The following NFILZ variants were observed in gnomAD, a reference collection of about 807,000 sequenced individuals.
NFILZ encodes NFIL3 like basic leucine zipper.
chr19:8,656,386 T>TTGTGCACAAAGCCAGTG (rs2042996985), intron 3 of NFILZ, among the ~76,000 whole-genome samples: 8 of 140,326 alleles, frequency 5.7e-5, no homozygotes, highest in Non-Finnish European at 9.1e-5. Context: ...GAAGCCCACC[T>TTGTGCACAAAGCCAGTG]TCTCCCGCAG....
intron 3 of NFILZ, among the ~76,000 whole-genome samples, chr19:8,654,527 A>G (rs1367827885): frequency 2.0e-5 from 3 of 151,980 alleles, no homozygotes; most frequent in Non-Finnish European, 4.4e-5. Context: ...AGGTGGGAAG[A>G]TCACTTGAGC....
At chr19:8,663,750 G>GTATGTGTGTGTATGTGTGTATGTGTGTA (rs1403759520) in intron 3 of NFILZ, among the ~76,000 whole-genome samples, 1 of 136,966 alleles carries the variant, frequency 7.3e-6, no homozygotes, top group African/African-American at 2.7e-5. Context: ...GTGTGTGTGT[G>GTATGTGTGTGTATGTGTGTATGTGTGTA]TGTGTGTGTG....
At chr19:8,662,646 T>C (rs1457479747) in intron 3 of NFILZ, among the ~76,000 whole-genome samples, 2 of 151,464 alleles carry the variant, frequency 1.3e-5, no homozygotes, top group Non-Finnish European at 3.0e-5. Flanking sequence ...CTTCCTTTTT[T>C]TTTTTTTTTG....
At chr19:8,641,104 A>G (rs114977932) in intron 3 of NFILZ, among the ~76,000 whole-genome samples, 1,939 of 152,142 alleles carry the variant, frequency 0.013, 41 homozygotes, top group African/African-American at 0.043. Flanking sequence ...ATATTCTCCA[A>G]TGTTTCTTTC....
chr19:8,645,783 G>A (rs1555747025), intron 3 of NFILZ, among the ~76,000 whole-genome samples: 2 of 152,180 alleles, frequency 1.3e-5, no homozygotes, highest in Non-Finnish European at 2.9e-5. Flanking sequence ...CAGGCAGCCA[G>A]TGATGGCAGA....
intron 2 of NFILZ, among the ~76,000 whole-genome samples, chr19:8,635,253 T>C (rs1555745983): frequency 6.9e-6 from 1 of 145,096 alleles, no homozygotes; most frequent in African/African-American, 2.6e-5. Context: ...GAGGTTGCAG[T>C]GAGCCGAGAT....
rs2042875102 is a variant in NFILZ at position 8,632,518 on chromosome 19, T to C, written c.-368T>C. 6.6e-6 allele frequency: 1 copy of C among 152,222 alleles called. No individual in the cohort carries two copies. The highest frequency in any genetic ancestry group is 3.4e-3 in the Middle Eastern group (1 of 294). The allele number at this position is 152,222 out of a possible 1,614,324, so 9.4% of individuals were successfully genotyped here. Reference sequence around the variant, plus strand: ...ACCCATCAAGACCAAGATGATGACATGAGTGACCTCTGATTGTCCTCACTG... The same window carrying C: ...ACCCATCAAGACCAAGATGATGACACGAGTGACCTCTGATTGTCCTCACTG... On this transcript the variant is annotated 5_prime_UTR_variant, in exon 2 of 6. It removes an upstream start codon present in the reference 5' UTR. Transcript: ENST00000691075.
chr19:8,653,591 G>A (rs2042979102), intron 3 of NFILZ, among the ~76,000 whole-genome samples: 1 of 152,150 alleles, frequency 6.6e-6, no homozygotes, highest in African/African-American at 2.4e-5. Flanking sequence ...ATCAATCAAT[G>A]AGTGGATAAA....
intron 2 of NFILZ, among the ~76,000 whole-genome samples, chr19:8,633,317 C>T (rs782485450): frequency 2.6e-5 from 4 of 152,120 alleles, no homozygotes; most frequent in Non-Finnish European, 4.4e-5. Flanking sequence ...CCAACGCGCC[C>T]GGCCTCCTTT....
At chr19:8,660,223 G>T (rs1555748935) in intron 3 of NFILZ, among the ~76,000 whole-genome samples, 3 of 152,128 alleles carry the variant, frequency 2.0e-5, no homozygotes, top group African/African-American at 7.2e-5. Flanking sequence ...GGCCTCCGGG[G>T]GAAAAAGAGA....
At chr19:8,656,461 TC>T (rs2043001663) in intron 3 of NFILZ, among the ~76,000 whole-genome samples, 1 of 18,328 alleles carries the variant, frequency 5.5e-5, no homozygotes. Context: ...CCACCTTCTC[TC>T]TGAAGCCCAC....
chr19:8,634,212 G>T (rs907309489), intron 2 of NFILZ, among the ~76,000 whole-genome samples: 2 of 151,944 alleles, frequency 1.3e-5, no homozygotes, highest in African/African-American at 4.8e-5. Flanking sequence ...TGGCCAGGCT[G>T]GTCTTGAACC....
intron 3 of NFILZ, among the ~76,000 whole-genome samples, chr19:8,663,921 G>A (rs557739360): frequency 1.7e-4 from 26 of 151,964 alleles, no homozygotes; most frequent in Non-Finnish European, 2.4e-4. Context: ...GGATGGACAC[G>A]AGGTGCCTCT....
chr19:8,656,463 T>C lies in NFILZ; in HGVS notation c.-163-18088T>C, dbSNP rs77490094. On this transcript the variant is annotated intron_variant, in intron 3 of 5. Transcript: ENST00000691075. The stretch of plus-strand genomic sequence containing the variant: ...TTCTCCTCGAAGCCCACCTTCTCTC[T>C]GAAGCCCACCTTCTCCCGCAGCCCA... Among the ~76,000 whole-genome samples the C allele has an allele frequency of 6.6e-3, 546 of 82,534 alleles. 16 individuals are homozygous for C. Among genetic ancestry groups the C allele is most frequent in the Middle Eastern group, 0.035 (3 of 86 alleles). The allele number at this position is 82,534 out of a possible 152,430, so 54.1% of individuals were successfully genotyped here. A position where few individuals can be genotyped will look rare whatever the true frequency, so the allele number is the denominator to read the frequency against.
At position 8,659,823 on chromosome 19, in the gene NFILZ, G is replaced by A. The variant is rs28418904; in HGVS notation, c.-163-14728G>A. Reference sequence around the variant, plus strand: ...TCCAGGAGCCCATGGTATATTCTAGGCTTGGGGTGAGGGGGTGGAAAAGAA... The same window carrying A: ...TCCAGGAGCCCATGGTATATTCTAGACTTGGGGTGAGGGGGTGGAAAAGAA... On this transcript the variant is annotated intron_variant, in intron 3 of 5. Transcript: ENST00000691075. 8.2e-3 allele frequency among the ~76,000 whole-genome samples: 1,254 copies of A among 152,214 alleles called. 18 individuals carry two copies. The highest frequency in any genetic ancestry group is 0.029 in the African/African-American group (1,202 of 41,540).
intron 3 of NFILZ, among the ~76,000 whole-genome samples, chr19:8,647,786 C>CACACAT (rs1568419388): frequency 1.7e-4 from 17 of 102,670 alleles, no homozygotes; most frequent in African/African-American, 2.2e-4. Flanking sequence ...CATGCGCGCG[C>CACACAT]GCGCGCGCGC....
intron 3 of NFILZ, among the ~76,000 whole-genome samples, chr19:8,664,902 C>T (rs539064134): frequency 6.6e-6 from 1 of 152,124 alleles, no homozygotes; most frequent in African/African-American, 2.4e-5. Flanking sequence ...TGACGGGCAG[C>T]TCATTACCTA....
intron 3 of NFILZ, among the ~76,000 whole-genome samples, chr19:8,637,896 A>C (rs1368544335): frequency 1.4e-5 from 2 of 142,498 alleles, no homozygotes; most frequent in African/African-American, 5.2e-5. Flanking sequence ...GACAAGAGCA[A>C]GACTAAAGAT....
At chr19:8,651,484 T>C (rs2042964814) in intron 3 of NFILZ, among the ~76,000 whole-genome samples, 1 of 151,882 alleles carries the variant, frequency 6.6e-6, no homozygotes, top group Non-Finnish European at 1.5e-5. Context: ...TTGTTAACCA[T>C]GGGTGCCCTA....
Sources: gnomAD v4.1 joint callset for allele counts (sites outside exome capture counted in the v4.1 genomes callset) on GRCh38, gnomAD v4.1.1 for gene constraint, MANE v1.5 for transcripts, NCBI Gene and HGNC (gene_info 2026-07-23, HGNC 2026-07-21) for gene names.